Variants in RNF128 observed in about 807,000 individuals in gnomAD.
RNF128 encodes E3 ubiquitin-protein ligase RNF128.
Under a neutral mutation model 26.2 loss-of-function variants are expected in RNF128, and 13 were observed. That is an observed-to-expected ratio of 0.50 (90% confidence interval 0.32 to 0.79). The LOEUF (loss-of-function observed/expected upper bound fraction) is 0.79, where lower values mean the gene tolerates loss of function less well. RNF128 is among the 30% of genes least tolerant of loss of function. The pLI, the probability that RNF128 is intolerant of heterozygous loss-of-function variation, is 0.03. For missense variants in RNF128, 315 were observed against 349.7 expected (o/e 0.90, Z 0.79); for synonymous variants, 149 against 142.5 (o/e 1.05, Z -0.32).
At chrX:106,727,508 G>A (rs893728793) in intron 1 of RNF128, 111 bp downstream of exon 1, 13 of 985,873 alleles carry the variant, frequency 1.3e-5, no homozygotes, top group Middle Eastern at 2.7e-4. Flanking sequence ...GAAAGTGGGT[G>A]CTCTTTCTGT....
chrX:106,708,474 T>C (rs1429918580), intron 1 of RNF128, among the ~76,000 whole-genome samples: 1 of 112,606 alleles, frequency 8.9e-6, no homozygotes, highest in Non-Finnish European at 1.9e-5. Context: ...ATCTCCATCA[T>C]ACCATGTGAA....
intron 1 of RNF128, among the ~76,000 whole-genome samples, chrX:106,767,243 C>T (rs1287147295): frequency 1.8e-5 from 2 of 111,597 alleles, no homozygotes; most frequent in African/African-American, 6.5e-5. Context: ...TTTTCCAATT[C>T]TATGAAGAAA....
intron 1 of RNF128, among the ~76,000 whole-genome samples, chrX:106,758,770 C>T (rs369399897): frequency 5.4e-5 from 6 of 111,370 alleles, no homozygotes; most frequent in East Asian, 2.8e-4. Context: ...CTGCCATATA[C>T]AAAAATCAAA....
intron 1 of RNF128, among the ~76,000 whole-genome samples, chrX:106,696,185 A>T (rs1479637404): frequency 8.9e-6 from 1 of 112,033 alleles, no homozygotes; most frequent in African/African-American, 3.2e-5. Context: ...CATAACTGTG[A>T]TAGTTAACAT....
intron 1 of RNF128, among the ~76,000 whole-genome samples, chrX:106,703,849 G>A (rs1769959530): frequency 9.1e-6 from 1 of 110,286 alleles, no homozygotes; most frequent in Admixed American, 9.7e-5. Context: ...TAGGATTTTG[G>A]AGGTTTAGCA....
chrX:106,778,669 A>G (rs1930511753), intron 2 of RNF128, among the ~76,000 whole-genome samples: 1 of 111,711 alleles, frequency 9.0e-6, no homozygotes, highest in Non-Finnish European at 1.9e-5. Flanking sequence ...CCTAGTAAGC[A>G]GTCCCTTCAT....
chrX:106,785,026 A>T lies in RNF128; in HGVS notation c.733-39A>T, dbSNP rs1328759700. On this transcript the variant is annotated intron_variant, in intron 2 of 6. Coordinates refer to ENST00000255499, the MANE Select transcript of RNF128 (RefSeq NM_194463.2). ...TCTTTTTCATCATACTTCTTTTAAA[A>T]AATAGTTTTTCTAATACCTGCTGTT... The T allele has an allele frequency of 6.9e-6, 7 of 1,013,273 alleles. No individual in the cohort carries two copies. In the African/African-American group the frequency reaches 1.4e-4, roughly 20 times the overall value. The allele number at this position is 1,013,273 out of a possible 1,213,427, so 83.5% of individuals were successfully genotyped here.
At chrX:106,738,772 G>A (rs953406899) in intron 1 of RNF128, among the ~76,000 whole-genome samples, 1 of 111,068 alleles carries the variant, frequency 9.0e-6, no homozygotes, top group Non-Finnish European at 1.9e-5. Flanking sequence ...CCATAGAATG[G>A]GTAATATAAT....
chrX:106,769,741 C>A (rs1338779453), intron 1 of RNF128, among the ~76,000 whole-genome samples: 2 of 109,859 alleles, frequency 1.8e-5, no homozygotes, highest in Non-Finnish European at 3.8e-5. Context: ...AGCATTTAGC[C>A]CATTTACATT....
chrX:106,714,659 T>G (rs768573318), intron 1 of RNF128, among the ~76,000 whole-genome samples: 124 of 112,000 alleles, frequency 1.1e-3, no homozygotes, highest in African/African-American at 3.6e-3. Context: ...ACGATTCCAT[T>G]GCAACAGAGC....
intron 1 of RNF128, among the ~76,000 whole-genome samples, chrX:106,696,540 G>A (rs1485714056): frequency 1.8e-5 from 2 of 111,069 alleles, no homozygotes; most frequent in Non-Finnish European, 3.8e-5. Context: ...TGACACAGAG[G>A]ATGGGGGAAA....
At chrX:106,703,523 G>T (rs906243395) in intron 1 of RNF128, among the ~76,000 whole-genome samples, 1 of 111,329 alleles carries the variant, frequency 9.0e-6, no homozygotes, top group Admixed American at 9.6e-5. Flanking sequence ...AAGAGTCTGT[G>T]CTCTTAATCA....
upstream of RNF128, chrX:106,726,697 A>T: frequency 9.8e-7 from 1 of 1,021,568 alleles, no homozygotes; most frequent in Non-Finnish European, 1.2e-6. Flanking sequence ...CCGACGCGGC[A>T]GCCGCGGTAG....
intron 1 of RNF128, among the ~76,000 whole-genome samples, chrX:106,743,872 G>A (rs1929745261): frequency 9.0e-6 from 1 of 111,616 alleles, no homozygotes. Context: ...AACAATGATA[G>A]ACTGGATTAA....
At chrX:106,698,523 C>T (rs1164273540) in intron 1 of RNF128, among the ~76,000 whole-genome samples, 1 of 111,627 alleles carries the variant, frequency 9.0e-6, no homozygotes, top group East Asian at 2.8e-4. Context: ...TGACAAAAAA[C>T]TTCGGTAAAA....
intron 1 of RNF128, among the ~76,000 whole-genome samples, chrX:106,756,070 C>T (rs920415399): frequency 1.9e-4 from 21 of 110,192 alleles, no homozygotes; most frequent in African/African-American, 6.9e-4. Context: ...CAAACCACTG[C>T]TCAAAGAAAT....
At chrX:106,760,525 A>T (rs1208850766) in intron 1 of RNF128, among the ~76,000 whole-genome samples, 2 of 112,187 alleles carry the variant, frequency 1.8e-5, no homozygotes, top group Non-Finnish European at 3.8e-5. Flanking sequence ...GAACTCTTAT[A>T]TACTTACTGT....
chrX:106,774,694 C>A (rs758094477), intron 2 of RNF128, among the ~76,000 whole-genome samples: 1 of 112,205 alleles, frequency 8.9e-6, no homozygotes, highest in South Asian at 3.7e-4. Context: ...ACCATAATTT[C>A]TTACCTCCTC....
intron 1 of RNF128, among the ~76,000 whole-genome samples, chrX:106,765,817 T>C (rs1327924939): frequency 9.0e-6 from 1 of 110,913 alleles, no homozygotes; most frequent in Non-Finnish European, 1.9e-5. Flanking sequence ...GCTGCACCCA[T>C]TAACTAACTC....
Sources: allele counts gnomAD v4.1 joint callset (sites outside exome capture counted in the v4.1 genomes callset), GRCh38; gene constraint gnomAD v4.1.1; transcripts MANE v1.5; gene names NCBI Gene and HGNC (gene_info 2026-07-23, HGNC 2026-07-21).